The following MAGI2 variants were observed in gnomAD, a reference collection of about 807,000 sequenced individuals.
The protein encoded by MAGI2 is membrane associated guanylate kinase, WW and PDZ domain containing 2, also known as membrane-associated guanylate kinase, WW and PDZ domain-containing protein 2.
MAGI2 carries 35 observed loss-of-function variants against 133.3 expected under a neutral mutation model. The ratio of observed to expected loss-of-function variants is 0.26; its 90% CI spans 0.20 to 0.35. MAGI2 has a LOEUF of 0.35. Ranked by LOEUF, MAGI2 falls within the 10% of genes least tolerant of loss-of-function variation. The pLI is 1.00. For missense variants in MAGI2, 1,636 were observed against 1,863.4 expected (o/e 0.88, Z 2.25); for synonymous variants, 729 against 710.6 (o/e 1.03, Z -0.41).
chr7:79,332,589 G>C (rs1478985666), intron 1 of MAGI2, among the ~76,000 whole-genome samples: 1 of 152,136 alleles, frequency 6.6e-6, no homozygotes, highest in Non-Finnish European at 1.5e-5. Context: ...TAGGTAGGGA[G>C]TACATAGGAA....
intron 1 of MAGI2, among the ~76,000 whole-genome samples, chr7:79,219,950 C>A (rs527815502): frequency 1.3e-5 from 2 of 151,902 alleles, no homozygotes; most frequent in Non-Finnish European, 2.9e-5. Flanking sequence ...ATAATACACA[C>A]GATTTTTTTT....
chr7:78,027,521 G>A (rs1256314117), intron 21 of MAGI2, among the ~76,000 whole-genome samples: 3 of 151,734 alleles, frequency 2.0e-5, no homozygotes, highest in East Asian at 1.9e-4. Flanking sequence ...CCAGCTACTC[G>A]GGATGCTGAG....
At chr7:78,392,523 T>C (rs993541616) in intron 6 of MAGI2, among the ~76,000 whole-genome samples, 55 of 152,318 alleles carry the variant, frequency 3.6e-4, no homozygotes, top group African/African-American at 1.3e-3. Context: ...ATGGAATGTT[T>C]TTGGATACTA....
intron 1 of MAGI2, among the ~76,000 whole-genome samples, chr7:79,211,228 AT>A (rs1485069126): frequency 6.6e-6 from 1 of 151,954 alleles, no homozygotes; most frequent in African/African-American, 2.4e-5. Context: ...AATATCTCTA[AT>A]TTATCTACCA....
intron 10 of MAGI2, among the ~76,000 whole-genome samples, chr7:78,227,850 T>TTTGAGTG (rs10630131): frequency 6.9e-6 from 1 of 145,546 alleles, no homozygotes; most frequent in African/African-American, 2.5e-5. Flanking sequence ...TCTTACTCAG[T>TTTGAGTG]TGTGTGTGTG....
chr7:78,413,706 A>AC (rs1798052201), intron 6 of MAGI2, among the ~76,000 whole-genome samples: 1 of 151,914 alleles, frequency 6.6e-6, no homozygotes, highest in South Asian at 2.1e-4. Flanking sequence ...GGTAGGAAAA[A>AC]CCAGAAGAGA....
At chr7:78,960,630 C>G (rs964172500) in intron 2 of MAGI2, among the ~76,000 whole-genome samples, 6 of 152,042 alleles carry the variant, frequency 3.9e-5, no homozygotes, top group African/African-American at 7.2e-5. Context: ...AAGTACTTAT[C>G]CTAAACTTGC....
chr7:78,421,030 T>C (rs150369976), intron 6 of MAGI2, among the ~76,000 whole-genome samples: 3 of 152,286 alleles, frequency 2.0e-5, no homozygotes, highest in Non-Finnish European at 2.9e-5. Context: ...TAGGACCAGA[T>C]GGCATTCATC....
chr7:78,636,764 T>C (rs201592490), intron 2 of MAGI2, among the ~76,000 whole-genome samples: 15 of 152,034 alleles, frequency 9.9e-5, no homozygotes, highest in South Asian at 4.1e-4. Flanking sequence ...TGCCACTGCA[T>C]TCCAACCTGG....
rs1437371604 is a variant in MAGI2, at chr7:78,735,535, C to T, written c.419-108296G>A. Among the ~76,000 whole-genome samples the T allele has an allele frequency of 5.9e-5, 9 of 152,170 alleles. No homozygotes were observed. In the South Asian group the frequency reaches 1.9e-3, roughly 31 times the overall value. On this transcript the variant is annotated intron_variant, in intron 2 of 21. Coordinates refer to ENST00000354212, the MANE Select transcript of MAGI2 (RefSeq NM_012301.4). Reference sequence around the variant, plus strand: ...ACATTGGCATTGGTTTTCCTTGTTCCATCTTAGAAATAATGCTTCCAAATT... The same window carrying T: ...ACATTGGCATTGGTTTTCCTTGTTCTATCTTAGAAATAATGCTTCCAAATT...
At chr7:78,956,664 G>C (rs1802403057) in intron 2 of MAGI2, among the ~76,000 whole-genome samples, 1 of 152,148 alleles carries the variant, frequency 6.6e-6, no homozygotes, top group South Asian at 2.1e-4. Flanking sequence ...GAGATGAAGA[G>C]GGAACAACTG....
intron 1 of MAGI2, among the ~76,000 whole-genome samples, chr7:79,042,561 C>T (rs1562823515): frequency 1.3e-5 from 2 of 152,280 alleles, no homozygotes; most frequent in South Asian, 4.1e-4. Flanking sequence ...AATATATATG[C>T]ATGCAACACT....
chr7:78,520,536 A>T (rs974652785), intron 4 of MAGI2, among the ~76,000 whole-genome samples: 5 of 152,240 alleles, frequency 3.3e-5, no homozygotes, highest in Admixed American at 3.3e-4. Flanking sequence ...TTAAATACGG[A>T]CCTTAGATTT....
At chr7:78,439,963 T>C (rs1787434311) in intron 6 of MAGI2, among the ~76,000 whole-genome samples, 2 of 151,816 alleles carry the variant, frequency 1.3e-5, no homozygotes, top group Admixed American at 1.3e-4. Flanking sequence ...ATTTTGGCTA[T>C]ATTGGACTAA....
chr7:78,611,116 T>G (rs1806392205), intron 3 of MAGI2, among the ~76,000 whole-genome samples: 1 of 152,126 alleles, frequency 6.6e-6, no homozygotes, highest in Admixed American at 6.5e-5. Context: ...AAGTCTGGTG[T>G]TGTTTTGGGT....
chr7:78,362,449 A>G (rs781083633), intron 7 of MAGI2, among the ~76,000 whole-genome samples: 20 of 152,144 alleles, frequency 1.3e-4, no homozygotes, highest in Non-Finnish European at 2.4e-4. Context: ...GTAAGTGGGA[A>G]TTATCAACTA....
chr7:78,408,074 C>T (rs970645177), intron 6 of MAGI2, among the ~76,000 whole-genome samples: 1 of 152,054 alleles, frequency 6.6e-6, no homozygotes, highest in Non-Finnish European at 1.5e-5. Context: ...GCAACTCCCT[C>T]CCTTCTATGC....
Position 78,343,397 on chromosome 7 carries a change from T to C in MAGI2, c.1408+381A>G, listed in dbSNP as rs1338917047. On this transcript the variant is annotated intron_variant, in intron 9 of 21. Transcript: ENST00000354212. ...ATTTCAATAACTAACCTGGGTGATA[T>C]AGCATGAGAATATTATAAGATTAAC... Among the ~76,000 whole-genome samples, 4 of 152,290 alleles carry C rather than the reference T, an allele frequency of 2.6e-5. No individual in the cohort carries two copies. The East Asian group carries it at 7.7e-4, about 29-fold the overall frequency.
At chr7:78,484,875 C>T (rs1257317150) in intron 6 of MAGI2, 3 of 151,960 alleles carry the variant, frequency 2.0e-5, no homozygotes, top group Non-Finnish European at 4.4e-5. Context: ...AGATTAAGTA[C>T]CTTGCCCAAG....
Sources: gnomAD v4.1 joint callset for allele counts (sites outside exome capture counted in the v4.1 genomes callset) on GRCh38, gnomAD v4.1.1 for gene constraint, MANE v1.5 for transcripts, NCBI Gene and HGNC (gene_info 2026-07-23, HGNC 2026-07-21) for gene names.